Variants in AARS2 observed in about 807,000 individuals in gnomAD.
The protein encoded by AARS2 is alanine--tRNA ligase, mitochondrial.
In AARS2, 78 loss-of-function variants were observed where a neutral mutation model predicts 119.7. The observed-to-expected ratio is 0.65, with a 90% CI of 0.54 to 0.79. AARS2 has a LOEUF of 0.79. Ranked by LOEUF, AARS2 falls within the 30% of genes least tolerant of loss-of-function variation. The pLI is 0.00. For missense variants in AARS2, 1,157 were observed against 1,291.3 expected (o/e 0.90, Z 1.59); for synonymous variants, 502 against 526.3 (o/e 0.95, Z 0.63).
In AARS2 at chr6:44,306,400, G is replaced by A. The variant is rs970113708; in HGVS notation, c.1189-9C>T. 6.2e-7 allele frequency: 1 copy of A among 1,613,900 alleles called. No homozygotes were observed. Among genetic ancestry groups the A allele is most frequent in the Admixed American group, 1.7e-5 (1 of 60,012 alleles). On this transcript the variant is annotated splice_polypyrimidine_tract_variant and intron_variant, in intron 8 of 21. Transcript: ENST00000244571. Reference sequence around the variant, plus strand: ...GACACCAGGTTGGCGATCTGAACCAGGCAGAGAAGAAGTGGAGCTGGGTCT... The same window carrying A: ...GACACCAGGTTGGCGATCTGAACCAAGCAGAGAAGAAGTGGAGCTGGGTCT...
In AARS2 at chr6:44,313,107, G is replaced by C. The variant is rs778967074; in HGVS notation, c.217C>G (p.Leu73Val). ...SVRPRGDPSL[L>V]FVNAGMNQFK... ...TGGTTCATGCCCGCATTGACAAAAA[G>C]CAAACTGGGGTCGCCGCGGGGCCGC... The change falls in exon 1 of 22, where the codon CTT becomes GTT. Residue 73 changes from leucine to valine, a missense_variant. Coordinates refer to ENST00000244571, the MANE Select transcript of AARS2 (RefSeq NM_020745.4). The C allele has an allele frequency of 1.1e-5, 18 of 1,613,304 alleles. 1 individual carries two copies. Among genetic ancestry groups the C allele is most frequent in the Non-Finnish European group, 1.4e-5 (16 of 1,179,904 alleles).
At position 44,303,434 on chromosome 6, in the gene AARS2, G is replaced by C. The variant is rs1238388697; in HGVS notation, c.2008-11C>G. On this transcript the variant is annotated splice_polypyrimidine_tract_variant and intron_variant, in intron 14 of 21. Transcript: ENST00000244571. Reference sequence around the variant, plus strand: ...TGGGGTCAATGGGGTCTGGAGGGGTGGGGAGGAAATGGAAAGACCAACATG... The same window carrying C: ...TGGGGTCAATGGGGTCTGGAGGGGTCGGGAGGAAATGGAAAGACCAACATG... 7 of 1,613,766 alleles carry C rather than the reference G, an allele frequency of 4.3e-6. No individual in the cohort carries two copies. The African/African-American group carries it at 8.0e-5, about 18-fold the overall frequency.
chr6:44,301,746 G>A (rs554907157), intron 19 of AARS2, among the ~76,000 whole-genome samples: 20 of 152,336 alleles, frequency 1.3e-4, no homozygotes, highest in African/African-American at 4.6e-4. Context: ...TCAGAGCACA[G>A]ATGGACCAGG....
rs1442447942 is a variant in AARS2, at chr6:44,305,074, A to G, written c.1559T>C (p.Leu520Pro). The stretch of plus-strand genomic sequence containing the variant: ...CTCACCATAACTTCCGCTGGGTCGC[A>G]GGGAGTAGTTGTACTTGGGGCTGTC... ...TDDSPKYNYS[L>P]RPSGSYEFGT... The change falls in exon 11 of 22, where the codon CTG (leucine) becomes CCG (proline). Residue 520 changes from leucine (L) to proline (P), a missense_variant. Transcript: ENST00000244571. This position sits in a 1 kb window ranked among gnomAD's most constrained non-coding sequence, Gnocchi z 4.6. 2 of 1,613,998 alleles carry G rather than the reference A, an allele frequency of 1.2e-6. No individual in the cohort carries two copies. Among genetic ancestry groups the G allele is most frequent in the Admixed American group, 1.7e-5 (1 of 60,010 alleles).
intron 14 of AARS2, 103 bp downstream of exon 14, chr6:44,304,077 TG>T: frequency 6.4e-7 from 1 of 1,555,964 alleles, no homozygotes; most frequent in Non-Finnish European, 8.8e-7. Context: ...GTGGCCGTGC[TG>T]GGCCTAGAGC....
chr6:44,307,505 T>C lies in AARS2; in HGVS notation c.895-111A>G. On this transcript the variant is annotated intron_variant, in intron 5 of 21. Coordinates refer to ENST00000244571, the MANE Select transcript of AARS2 (RefSeq NM_020745.4). This position sits in a 1 kb window ranked among gnomAD's most constrained non-coding sequence, Gnocchi z 4.4. Reference sequence around the variant, plus strand: ...GCCCTAAAGCCAACCACATCCAGAATGGCCTTGCCAGTCCAGTCCTGGGCT... The same window carrying C: ...GCCCTAAAGCCAACCACATCCAGAACGGCCTTGCCAGTCCAGTCCTGGGCT... 1 of 1,416,666 alleles carries C rather than the reference T, an allele frequency of 7.1e-7. No individual in the cohort carries two copies. Among genetic ancestry groups the C allele is most frequent in the Non-Finnish European group, 9.6e-7 (1 of 1,042,358 alleles). 87.8% of individuals were successfully genotyped at this position (1,416,666 alleles called of 1,614,324 possible). A position where few individuals can be genotyped will look rare whatever the true frequency, so the allele number is the denominator to read the frequency against.
In AARS2 at chr6:44,300,400, T is replaced by C; in HGVS notation, c.*147A>G. The C allele has an allele frequency of 8.6e-7, 1 of 1,162,734 alleles. No homozygotes were observed. Among genetic ancestry groups the C allele is most frequent in the Non-Finnish European group, 1.3e-6 (1 of 788,238 alleles). 72.0% of individuals were successfully genotyped at this position (1,162,734 alleles called of 1,614,324 possible). ...CTAGCCCATGTCTCCTTGTGTCACG[T>C]AGGCCCTGGCCCAGGTGATCTTCTT... On this transcript the variant is annotated 3_prime_UTR_variant, in exon 22 of 22. Coordinates refer to ENST00000244571, the MANE Select transcript of AARS2 (RefSeq NM_020745.4).
Position 44,311,560 on chromosome 6 carries a change from G to A in AARS2, c.436-25C>T, listed in dbSNP as rs78621015. ...CCTGCAGCAGAAACCAGCATGGGGT[G>A]GGGGGGGAAGACGGGTGAGAGGGAG... is the stretch of plus-strand genomic sequence containing the variant. On this transcript the variant is annotated intron_variant, in intron 2 of 21. Coordinates refer to ENST00000244571, the MANE Select transcript of AARS2 (RefSeq NM_020745.4). 2.7e-4 allele frequency: 436 copies of A among 1,604,314 alleles called. 3 individuals are homozygous for A. Among genetic ancestry groups the A allele is most frequent in the Admixed American group, 8.1e-4 (48 of 59,442 alleles).
rs999830117 is a variant in AARS2, at chr6:44,306,380, C to G, written c.1200G>C (p.Leu400=). 7 of 1,613,970 alleles carry G rather than the reference C, an allele frequency of 4.3e-6. No individual in the cohort carries two copies. The highest frequency in any genetic ancestry group is 5.9e-6 in the Non-Finnish European group (7 of 1,180,014). ...LQRNSAQIAN[L]VSEDEAAFLA... ...GGAAGGCTGCCTCGTCCTCTGACAC[C>G]AGGTTGGCGATCTGAACCAGGCAGA... The change falls in exon 9 of 22, where the codon CTG becomes CTC. Residue 400 remains leucine (L), a synonymous_variant. Coordinates refer to ENST00000244571, the MANE Select transcript of AARS2 (RefSeq NM_020745.4).
In AARS2 at chr6:44,312,135, G is replaced by A. The variant is rs766602929; in HGVS notation, c.372C>T (p.Asp124=). 6.2e-7 allele frequency: 1 copy of A among 1,614,230 alleles called. No homozygotes were observed. Among genetic ancestry groups the A allele is most frequent in the Middle Eastern group, 1.6e-4 (1 of 6,062 alleles). The change falls in exon 2 of 22, where the codon GAC becomes GAT. Residue 124 remains aspartate (D), a synonymous_variant. Transcript: ENST00000244571. ...HHNDLEDVGR[D]LSHHTFFEML... is the part of the protein sequence containing the mutation. Reference sequence around the variant, plus strand: ...TTTCAAAGAAGGTATGATGGGAAAGGTCTCGACCCACATCTTCCAGGTCGT... The same window carrying A: ...TTTCAAAGAAGGTATGATGGGAAAGATCTCGACCCACATCTTCCAGGTCGT...
Position 44,300,472 on chromosome 6 carries a change from T to C in AARS2, c.*75A>G. ...AGCCTCTAGTCCTCGCTTCAGCATG[T>C]GGGAAGGTTCTGCTGGCTCCTTCAG... is the stretch of plus-strand genomic sequence containing the variant. On this transcript the variant is annotated 3_prime_UTR_variant, in exon 22 of 22. Coordinates refer to ENST00000244571, the MANE Select transcript of AARS2 (RefSeq NM_020745.4). The C allele has an allele frequency of 6.3e-7, 1 of 1,598,194 alleles. No homozygotes were observed. Among genetic ancestry groups the C allele is most frequent in the Non-Finnish European group, 8.6e-7 (1 of 1,167,046 alleles).
At chr6:44,311,999 T>G in intron 2 of AARS2, 73 bp downstream of exon 2, 1 of 1,572,380 alleles carries the variant, frequency 6.4e-7, no homozygotes. Context: ...AGGCCCTGCC[T>G]AAGCAGACAG....
chr6:44,300,155 A>C lies in AARS2; in HGVS notation c.*392T>G. 4.0e-6 allele frequency: 1 copy of C among 248,972 alleles called. No individual in the cohort carries two copies. Among genetic ancestry groups the C allele is most frequent in the Non-Finnish European group, 8.0e-6 (1 of 125,114 alleles). 15.4% of individuals were successfully genotyped at this position (248,972 alleles called of 1,614,324 possible). A position where few individuals can be genotyped will look rare whatever the true frequency, so the allele number is the denominator to read the frequency against. On this transcript the variant is annotated 3_prime_UTR_variant, in exon 22 of 22. Transcript: ENST00000244571. ...CCACCACACCCGGCTAATTTTTTGT[A>C]TTTTTAGTAGAGATGGGGTTTCACC...
At position 44,307,897 on chromosome 6, in the gene AARS2, A is replaced by G. The variant is rs900170074; in HGVS notation, c.895-503T>C. ...GAGAGTGTAAGCTACATACACGGAAATGCTCCAAAGCAGGGAGCTTGATTC... is the reference window on the plus strand; with the variant it reads ...GAGAGTGTAAGCTACATACACGGAAGTGCTCCAAAGCAGGGAGCTTGATTC... On this transcript the variant is annotated intron_variant, in intron 5 of 21. Coordinates refer to ENST00000244571, the MANE Select transcript of AARS2 (RefSeq NM_020745.4). The surrounding 1 kb of genome is among the most constrained non-coding windows in gnomAD (Gnocchi z 4.4). Among the ~76,000 whole-genome samples the G allele has an allele frequency of 1.3e-5, 2 of 152,146 alleles. No homozygotes were observed. Among genetic ancestry groups the G allele is most frequent in the Non-Finnish European group, 2.9e-5 (2 of 68,030 alleles).
rs569963760 is a variant in AARS2 at position 44,300,341 on chromosome 6, G to C, written c.*206C>G. 1.5e-5 allele frequency: 10 copies of C among 655,028 alleles called. No individual in the cohort carries two copies. The East Asian group carries it at 2.1e-4, about 14-fold the overall frequency. The allele number at this position is 655,028 out of a possible 1,614,324, so 40.6% of individuals were successfully genotyped here. ...TGTCCATGTCTTCTCTTTCACCAAG[G>C]GGGTGTGTGTCTTTGGGCCCAGTTC... is the stretch of plus-strand genomic sequence containing the variant. On this transcript the variant is annotated 3_prime_UTR_variant, in exon 22 of 22. Coordinates refer to ENST00000244571, the MANE Select transcript of AARS2 (RefSeq NM_020745.4).
In AARS2 at chr6:44,306,829, T is replaced by C; in HGVS notation, c.1149+94A>G. 3 of 1,217,202 alleles carry C rather than the reference T, an allele frequency of 2.5e-6. No individual in the cohort carries two copies. The Admixed American group carries it at 5.1e-5, about 21-fold the overall frequency. The allele number at this position is 1,217,202 out of a possible 1,614,324, so 75.4% of individuals were successfully genotyped here. A position where few individuals can be genotyped will look rare whatever the true frequency, so the allele number is the denominator to read the frequency against. ...GCTCGATATTTAGGGTGGGGACCTC[T>C]GGGCACCCAGGCTGGGGGCACTGTC... On this transcript the variant is annotated intron_variant, in intron 7 of 21. Transcript: ENST00000244571.
intron 1 of AARS2, among the ~76,000 whole-genome samples, 163 bp downstream of exon 1, chr6:44,312,918 T>C (rs751165752): frequency 6.6e-6 from 1 of 152,100 alleles, no homozygotes; most frequent in South Asian, 2.1e-4. Flanking sequence ...GCCCTCCCTA[T>C]ACTCTGAGCG....
Position 44,311,428 on chromosome 6 carries a change from G to A in AARS2, c.543C>T (p.Asp181=), listed in dbSNP as rs1356999118. Residue 181 remains aspartate (D), a synonymous_variant, in exon 3 of 22, where the codon GAC becomes GAT. Coordinates refer to ENST00000244571, the MANE Select transcript of AARS2 (RefSeq NM_020745.4). ...YFDGDPKAGL[D]PDLETRDIWL... is the part of the protein sequence containing the mutation. ...AGATGTCCCTGGTCTCCAGGTCTGG[G>A]TCCAGCCCTGCCTTGGGGTCACCAT... 6.2e-7 allele frequency: 1 copy of A among 1,614,144 alleles called. No individual in the cohort carries two copies. Among genetic ancestry groups the A allele is most frequent in the South Asian group, 1.1e-5 (1 of 91,080 alleles).
chr6:44,301,154 A>AC lies in AARS2; in HGVS notation c.2793+1dup, dbSNP rs1321751322. On this transcript the variant is annotated splice_donor_variant, in intron 21 of 21. Coordinates refer to ENST00000244571, the MANE Select transcript of AARS2 (RefSeq NM_020745.4). LOFTEE classifies it high-confidence loss of function. ...GGTGGGCTGCTCTCCCACTTCCCTC[A>AC]CCTGGGCCACCTGACAGGCACACAG... 6 of 1,612,714 alleles carry AC rather than the reference A, an allele frequency of 3.7e-6. No individual in the cohort carries two copies. Among genetic ancestry groups the AC allele is most frequent in the Non-Finnish European group, 5.1e-6 (6 of 1,179,388 alleles).
Sources: allele counts gnomAD v4.1 joint callset (sites outside exome capture counted in the v4.1 genomes callset), GRCh38; gene constraint gnomAD v4.1.1; non-coding constraint Gnocchi (gnomAD v3.1); transcripts MANE v1.5; gene names NCBI Gene and HGNC (gene_info 2026-07-23, HGNC 2026-07-21).